Variants in DCD observed in about 807,000 individuals in gnomAD.
DCD encodes the protein diffusible survival/evasion peptide.
DCD carries 17 observed loss-of-function variants against 14.5 expected under a neutral mutation model. The ratio of observed to expected loss-of-function variants is 1.18; its 90% CI spans 0.81 to 1.76. The LOEUF (loss-of-function observed/expected upper bound fraction) is 1.76, where lower values mean the gene tolerates loss of function less well. Among genes scored for constraint, DCD ranks in the 40% most tolerant of loss-of-function variants. The pLI, the probability that DCD is intolerant of heterozygous loss-of-function variation, is 0.00. For missense variants in DCD, 139 were observed against 133.4 expected, an observed-to-expected ratio of 1.04 and a Z score of -0.21; for synonymous variants, 64 against 54.0, an observed-to-expected ratio of 1.19 and a Z score of -0.82.
chr12:54,646,444 G>A (rs977123094), intron 2 of DCD, among the ~76,000 whole-genome samples: 3 of 152,030 alleles, frequency 2.0e-5, no homozygotes, highest in Non-Finnish European at 4.4e-5. Context: ...TGCTATATAT[G>A]GGAAGCCCAG....
At chr12:54,646,102 G>T (rs1411933717) in intron 2 of DCD, 2 of 457,256 alleles carry the variant, frequency 4.4e-6, no homozygotes, top group Non-Finnish European at 4.4e-6. Flanking sequence ...CAGAAATTTG[G>T]CAGTCTCTGA....
At chr12:54,647,268 T>A in intron 1 of DCD, 109 bp from the exon 2 acceptor site, 1 of 1,064,588 alleles carries the variant, frequency 9.4e-7, no homozygotes, top group African/African-American at 1.6e-5. Context: ...AGTGTGGCAG[T>A]GGACAGACAG....
chr12:54,644,640 T>TC lies in DCD; in HGVS notation c.*72_*73insG. On this transcript the variant is annotated 3_prime_UTR_variant, in exon 5 of 5. Coordinates refer to ENST00000293371, the MANE Select transcript of DCD (RefSeq NM_053283.4). The stretch of plus-strand genomic sequence containing the variant: ...CTGTTTTAAATTTTTTTTTTTTTTT[T>TC]TTTTTTTAGGTTTTAGGCTGAAGAC... 9.5e-7 allele frequency: 1 copy of TC among 1,052,046 alleles called. No homozygotes were observed. Among genetic ancestry groups the TC allele is most frequent in the East Asian group, 2.6e-5 (1 of 38,328 alleles). 65.2% of individuals were successfully genotyped at this position (1,052,046 alleles called of 1,614,324 possible).
chr12:54,648,226 C>A lies in DCD; in HGVS notation c.58+20G>T, dbSNP rs143140702. The A allele has an allele frequency of 6.2e-7, 1 of 1,612,942 alleles. No individual in the cohort carries two copies. Among genetic ancestry groups the A allele is most frequent in the Admixed American group, 1.7e-5 (1 of 60,008 alleles). Reference sequence around the variant, plus strand: ...TTCAGGGGACTATATGGTTGGGTGTCGGGGAAGAGCCATACTCACAGGCAC... The same window carrying A: ...TTCAGGGGACTATATGGTTGGGTGTAGGGGAAGAGCCATACTCACAGGCAC... On this transcript the variant is annotated intron_variant, in intron 1 of 4. Coordinates refer to ENST00000293371, the MANE Select transcript of DCD (RefSeq NM_053283.4).
rs532532090 is a variant in DCD, at chr12:54,645,261, T to G, written c.201A>C (p.Glu67Asp). ...CTTTTTTTGCTCCGTCTAGGCCTTT[T>G]TCTAGGGTGGATTCAGAAAAGAAGA... ...KPRKQRSSLLEKGLDGAKKAV... is the reference protein window; with the variant it reads ...KPRKQRSSLLDKGLDGAKKAV... The change falls in exon 4 of 5, where the codon GAA becomes GAC. Residue 67 changes from glutamate to aspartate, a missense_variant and splice_region_variant. By Grantham distance (45) the Glu-to-Asp change is conservative. Transcript: ENST00000293371. 1 of 1,614,062 alleles carries G rather than the reference T, an allele frequency of 6.2e-7. No homozygotes were observed. The highest frequency in any genetic ancestry group is 1.1e-5 in the South Asian group (1 of 91,082).
rs11338265 is a variant in DCD, at chr12:54,644,624, ATTTTTTTTTTT to A, written c.*78_*88del. Reference sequence around the variant, plus strand: ...GCTTTCAGTTTAATAGCTGTTTTAAATTTTTTTTTTTTTTTTTTTTTTTAGGTTTTAGGCTG... The same window carrying A: ...GCTTTCAGTTTAATAGCTGTTTTAAATTTTTTTTTTTTAGGTTTTAGGCTG... On this transcript the variant is annotated 3_prime_UTR_variant, in exon 5 of 5. Coordinates refer to ENST00000293371, the MANE Select transcript of DCD (RefSeq NM_053283.4). The A allele has an allele frequency of 2.1e-5, 14 of 651,676 alleles. No homozygotes were observed. In the African/African-American group the frequency reaches 2.1e-4, roughly 10 times the overall value. The allele number at this position is 651,676 out of a possible 1,614,324, so 40.4% of individuals were successfully genotyped here.
rs964341262 is a variant in DCD, at chr12:54,648,315, C to T, written c.-12G>A. On this transcript the variant is annotated 5_prime_UTR_variant, in exon 1 of 5. Transcript: ENST00000293371. ...GTCATGAACCTCATGCTTCTGTGTGCTGGAGTGGGTATGCCACCAAATCCT... is the reference window on the plus strand; with the variant it reads ...GTCATGAACCTCATGCTTCTGTGTGTTGGAGTGGGTATGCCACCAAATCCT... The T allele has an allele frequency of 6.2e-7, 1 of 1,613,752 alleles. No homozygotes were observed. Among genetic ancestry groups the T allele is most frequent in the Non-Finnish European group, 8.5e-7 (1 of 1,179,922 alleles).
At position 54,645,117 on chromosome 12, in the gene DCD, T is replaced by C. The variant is rs1215548564; in HGVS notation, c.289+56A>G. On this transcript the variant is annotated intron_variant, in intron 4 of 4. Transcript: ENST00000293371. ...GGGGCTGTGGCAGTTTCAGATCTCA[T>C]GCAAGGGGTGGAGACTGAGGCTGGT... 7 of 1,581,068 alleles carry C rather than the reference T, an allele frequency of 4.4e-6. No homozygotes were observed. The Admixed American group carries it at 1.2e-4, about 26-fold the overall frequency.
chr12:54,644,678 G>T lies in DCD; in HGVS notation c.*35C>A. 2 of 1,404,430 alleles carry T rather than the reference G, an allele frequency of 1.4e-6. No homozygotes were observed. The highest frequency in any genetic ancestry group is 2.0e-6 in the Non-Finnish European group (2 of 1,004,408). 87.0% of individuals were successfully genotyped at this position (1,404,430 alleles called of 1,614,324 possible). ...TTAGGCTGAAGACGTAAAGCCTGCT[G>T]CTCCTGGGTATCATTTCTCAGCTTC... On this transcript the variant is annotated 3_prime_UTR_variant, in exon 5 of 5. Coordinates refer to ENST00000293371, the MANE Select transcript of DCD (RefSeq NM_053283.4).
At chr12:54,645,740 C>T (rs1379211299) in intron 2 of DCD, 33 bp from the exon 3 acceptor site, 1 of 1,567,644 alleles carries the variant, frequency 6.4e-7, no homozygotes, top group Non-Finnish European at 8.8e-7. Context: ...GGAATAATAG[C>T]TATTTCACTC....
rs11338265 is a variant in DCD at position 54,644,624 on chromosome 12, A to ATTTTTTTTTTTTTT, written c.*75_*88dup. On this transcript the variant is annotated 3_prime_UTR_variant, in exon 5 of 5. Transcript: ENST00000293371. Reference sequence around the variant, plus strand: ...GCTTTCAGTTTAATAGCTGTTTTAAATTTTTTTTTTTTTTTTTTTTTTTAG... The same window carrying ATTTTTTTTTTTTTT: ...GCTTTCAGTTTAATAGCTGTTTTAAATTTTTTTTTTTTTTTTTTTTTTTTTTTTTTTTTTTTTAG... 5 of 651,676 alleles carry ATTTTTTTTTTTTTT rather than the reference A, an allele frequency of 7.7e-6. No individual in the cohort carries two copies. The highest frequency in any genetic ancestry group is 2.1e-5 in the African/African-American group (1 of 46,530). 40.4% of individuals were successfully genotyped at this position (651,676 alleles called of 1,614,324 possible).
rs200535792 is a variant in DCD at position 54,644,761 on chromosome 12, G to T, written c.290-5C>A. 2.2e-3 allele frequency: 3,466 copies of T among 1,603,346 alleles called. 5 individuals carry two copies. The highest frequency in any genetic ancestry group is 2.7e-3 in the Non-Finnish European group (3,220 of 1,173,840). On this transcript the variant is annotated splice_region_variant and splice_polypyrimidine_tract_variant and intron_variant, in intron 4 of 4. Transcript: ENST00000293371. Reference sequence around the variant, plus strand: ...CTTTAACGTCATGGACGGCTCCTAGGACAGCCACAGAAAAAAATGGGGTAA... The same window carrying T: ...CTTTAACGTCATGGACGGCTCCTAGTACAGCCACAGAAAAAAATGGGGTAA...
chr12:54,647,170 G>A lies in DCD; in HGVS notation c.59-11C>T, dbSNP rs1452489845. On this transcript the variant is annotated splice_polypyrimidine_tract_variant and intron_variant, in intron 1 of 4. Transcript: ENST00000293371. ...CGGCCTCTGGATCATCTGCAAAGGA[G>A]GGAACAGTGACCATGTCAAGTAGGG... 1.3e-6 allele frequency: 2 copies of A among 1,560,332 alleles called. No homozygotes were observed. Among genetic ancestry groups the A allele is most frequent in the East Asian group, 4.8e-5 (2 of 41,824 alleles).
At chr12:54,647,799 G>A (rs1162129279) in intron 1 of DCD, among the ~76,000 whole-genome samples, 1 of 152,216 alleles carries the variant, frequency 6.6e-6, no homozygotes, top group Non-Finnish European at 1.5e-5. Flanking sequence ...GGGCCAAAAT[G>A]ATTCTGGGGC....
chr12:54,647,086 CCAGGACTGGGG>C (rs1565729267), intron 2 of DCD, 24 bp downstream of exon 2: 2 of 1,550,470 alleles, frequency 1.3e-6, no homozygotes, highest in Non-Finnish European at 1.7e-6. Context: ...ACCCTCCCAC[CCAGGACTGGGG>C]CAGGAGGAAG....
intron 3 of DCD, 134 bp downstream of exon 3, chr12:54,645,472 C>A: frequency 1.1e-6 from 1 of 885,602 alleles, no homozygotes; most frequent in South Asian, 1.7e-5. Context: ...AGCAGGTGTG[C>A]ACCCCAAGCC....
chr12:54,645,055 G>T, intron 4 of DCD, 118 bp downstream of exon 4: 1 of 1,485,614 alleles, frequency 6.7e-7, no homozygotes, highest in Non-Finnish European at 9.3e-7. Flanking sequence ...AGGAATTGGA[G>T]ACATTTGAAA....
At chr12:54,645,283 A>C (rs1294370787) in intron 3 of DCD, 21 bp from the exon 4 acceptor site, 1 of 1,609,614 alleles carries the variant, frequency 6.2e-7, no homozygotes, top group African/African-American at 1.3e-5. Context: ...TTCAGAAAAG[A>C]AGAGGTCATA....
intron 2 of DCD, chr12:54,646,226 G>A (rs777993274): frequency 2.2e-5 from 10 of 446,354 alleles, no homozygotes; most frequent in Admixed American, 1.7e-4. Flanking sequence ...CAAGGTGCCC[G>A]GTGTTCCCTC....
Sources: allele counts gnomAD v4.1 joint callset (sites outside exome capture counted in the v4.1 genomes callset), GRCh38; gene constraint gnomAD v4.1.1; transcripts MANE v1.5; gene names NCBI Gene and HGNC (gene_info 2026-07-23, HGNC 2026-07-21).